FGFR4: variants seen among roughly 807,000 people sequenced by gnomAD.
FGFR4 encodes the protein hydroxyaryl-protein kinase.
Under a neutral mutation model 89.9 loss-of-function variants are expected in FGFR4, and 63 were observed. The ratio of observed to expected loss-of-function variants is 0.70; its 90% CI spans 0.57 to 0.86. The LOEUF is 0.86. Among genes scored for constraint, FGFR4 ranks in the 40% least tolerant of loss-of-function variants. The pLI is 0.00. For missense variants in FGFR4, 928 were observed against 1,106.7 expected (o/e 0.84, Z 2.29); for synonymous variants, 486 against 479.4 (o/e 1.01, Z -0.18).
rs1402521549 is a variant in FGFR4, at chr5:177,090,726, C to T, written c.356-19C>T. 1 of 1,579,700 alleles carries T rather than the reference C, an allele frequency of 6.3e-7. No individual in the cohort carries two copies. Among genetic ancestry groups the T allele is most frequent in the Admixed American group, 1.8e-5 (1 of 56,810 alleles). On this transcript the variant is annotated intron_variant, in intron 3 of 17. Transcript: ENST00000292408. ...TGCCCCTCTTGGACCTTAGATGCTT[C>T]CCTCTGTCCCTGATGTAGACTCCTT...
intron 1 of FGFR4, among the ~76,000 whole-genome samples, chr5:177,088,924 C>T (rs1266058192): frequency 2.0e-5 from 3 of 152,206 alleles, no homozygotes; most frequent in Non-Finnish European, 4.4e-5. Flanking sequence ...AGGATTTGAA[C>T]TTGGCTCTGG....
At chr5:177,092,062 A>G (rs1477991086) in intron 6 of FGFR4, among the ~76,000 whole-genome samples, 1 of 152,218 alleles carries the variant, frequency 6.6e-6, no homozygotes, top group Non-Finnish European at 1.5e-5. Context: ...AACGCCCTGC[A>G]CTTGCAGGCC....
At position 177,087,688 on chromosome 5, in the gene FGFR4, C is replaced by T; in HGVS notation, c.-54+611C>T. 1 of 967,966 alleles carries T rather than the reference C, an allele frequency of 1.0e-6. No individual in the cohort carries two copies. The highest frequency in any genetic ancestry group is 1.2e-6 in the Non-Finnish European group (1 of 814,026). The allele number at this position is 967,966 out of a possible 1,614,324, so 60.0% of individuals were successfully genotyped here. A position where few individuals can be genotyped will look rare whatever the true frequency, so the allele number is the denominator to read the frequency against. ...ACCCACTCCCAGCCCAAGCTGTGTA[C>T]CCAAAGAGCTGCCCTCCCTGCCAAG... On this transcript the variant is annotated intron_variant, in intron 1 of 17. Coordinates refer to ENST00000292408, the MANE Select transcript of FGFR4 (RefSeq NM_213647.3). This position sits in a 1 kb window ranked among gnomAD's most constrained non-coding sequence, Gnocchi z 6.1.
chr5:177,093,548 A>G lies in FGFR4; in HGVS notation c.1394A>G (p.Asp465Gly), dbSNP rs1197422241. ...GACCCACTATGGGAGTTCCCCCGGGACAGGTGCGCTGAGCTGTGTGGGGGC... is the reference window on the plus strand; with the variant it reads ...GACCCACTATGGGAGTTCCCCCGGGGCAGGTGCGCTGAGCTGTGTGGGGGC... ...PLDPLWEFPR[D>G]RLVLGKPLGE... Residue 465 changes from aspartate (D) to glycine (G), a missense_variant, in exon 10 of 18, where the codon GAC (aspartate) becomes GGC (glycine). Around this residue, in one of 5 missense-constraint regions of FGFR4, gnomAD observed 741 missense variants for 836.9 expected, o/e 0.89. Transcript: ENST00000292408. This position sits in a 1 kb window ranked among gnomAD's most constrained non-coding sequence, Gnocchi z 5.8. 4 of 1,613,324 alleles carry G rather than the reference A, an allele frequency of 2.5e-6. No individual in the cohort carries two copies. In the South Asian group the frequency reaches 3.3e-5, roughly 13 times the overall value.
chr5:177,090,387 C>T lies in FGFR4; in HGVS notation c.92-3C>T, dbSNP rs750302282. On this transcript the variant is annotated splice_polypyrimidine_tract_variant and splice_region_variant and intron_variant, in intron 2 of 17. Transcript: ENST00000292408. ...TCTGCTGACCTCTGCCCTCTGCCCA[C>T]AGAGCCCTGCCTGGCTCCCAGCCTG... 3 of 1,600,960 alleles carry T rather than the reference C, an allele frequency of 1.9e-6. No individual in the cohort carries two copies. Among genetic ancestry groups the T allele is most frequent in the Non-Finnish European group, 2.5e-6 (3 of 1,179,928 alleles).
In FGFR4 at chr5:177,087,764, T is replaced by C; in HGVS notation, c.-54+687T>C. ...AGGAGGATCCGACTGGATTCGAGAG[T>C]TGAGGTGGGCCAGAGACAGCAGTAT... On this transcript the variant is annotated intron_variant, in intron 1 of 17. Transcript: ENST00000292408. This position sits in a 1 kb window ranked among gnomAD's most constrained non-coding sequence, Gnocchi z 6.1. The C allele has an allele frequency of 2.3e-6, 1 of 437,154 alleles. No individual in the cohort carries two copies. The highest frequency in any genetic ancestry group is 9.7e-5 in the South Asian group (1 of 10,300). The allele number at this position is 437,154 out of a possible 1,614,324, so 27.1% of individuals were successfully genotyped here.
intron 6 of FGFR4, 141 bp downstream of exon 6, chr5:177,091,949 AGG>A: frequency 8.8e-7 from 1 of 1,137,364 alleles, no homozygotes; most frequent in Non-Finnish European, 1.3e-6. Flanking sequence ...GGGAAAGCAC[AGG>A]GGTTAGTGTG....
Position 177,093,417 on chromosome 5 carries a change from G to T in FGFR4, c.1263G>T (p.Glu421Asp). The change falls in exon 10 of 18, where the codon GAG becomes GAT. Residue 421 changes from glutamate (E) to aspartate (D), a missense_variant. Glu to Asp is a conservative substitution (Grantham distance 45). Coordinates refer to ENST00000292408, the MANE Select transcript of FGFR4 (RefSeq NM_213647.3). This position sits in a 1 kb window ranked among gnomAD's most constrained non-coding sequence, Gnocchi z 5.8. ...RFPLARQFSLESGSSGKSSSS... is the reference protein window; with the variant it reads ...RFPLARQFSLDSGSSGKSSSS... Reference sequence around the variant, plus strand: ...CTCCCACTTTGCAGTTCTCCCTGGAGTCAGGCTCTTCCGGCAAGTCAAGCT... The same window carrying T: ...CTCCCACTTTGCAGTTCTCCCTGGATTCAGGCTCTTCCGGCAAGTCAAGCT... The T allele has an allele frequency of 6.2e-7, 1 of 1,614,130 alleles. No individual in the cohort carries two copies. Among genetic ancestry groups the T allele is most frequent in the Non-Finnish European group, 8.5e-7 (1 of 1,179,974 alleles).
chr5:177,092,701 C>T lies in FGFR4; in HGVS notation c.974C>T (p.Ala325Val), dbSNP rs2149734365. The change falls in exon 8 of 18, where the codon GCC (alanine) becomes GTC (valine). Residue 325 changes from alanine (A) to valine (V), a missense_variant. This residue lies in a region of FGFR4 where 741 missense variants were observed against 836.9 expected (regional missense o/e 0.89). Transcript: ENST00000292408. Reference sequence around the variant, plus strand: ...GTCCTGTACCTGCGGAACGTGTCAGCCGAGGACGCAGGCGAGTACACCTGC... The same window carrying T: ...GTCCTGTACCTGCGGAACGTGTCAGTCGAGGACGCAGGCGAGTACACCTGC... ...VEVLYLRNVS[A>V]EDAGEYTCLA... The T allele has an allele frequency of 1.2e-6, 2 of 1,614,112 alleles. No homozygotes were observed. Among genetic ancestry groups the T allele is most frequent in the South Asian group, 1.1e-5 (1 of 91,086 alleles).
At chr5:177,092,254 A>T in intron 6 of FGFR4, 67 bp from the exon 7 acceptor site, 2 of 1,460,962 alleles carry the variant, frequency 1.4e-6, no homozygotes, top group South Asian at 1.4e-5. Context: ...GGAAGGCTGG[A>T]GGGAGGCAAA....
At position 177,095,567 on chromosome 5, in the gene FGFR4, G is replaced by A; in HGVS notation, c.1665G>A (p.Lys555=). ...ACGTGATCGTGGAGTGCGCCGCCAA[G>A]GGAAACCTGCGGGAGTTCCTGCGGG... ...PLYVIVECAA[K]GNLREFLRAR... is the part of the protein sequence containing the mutation. The change falls in exon 13 of 18, where the codon AAG becomes AAA. Residue 555 remains lysine, a synonymous_variant. Transcript: ENST00000292408. This position sits in a 1 kb window ranked among gnomAD's most constrained non-coding sequence, Gnocchi z 5.7. 6.2e-7 allele frequency: 1 copy of A among 1,610,046 alleles called. No individual in the cohort carries two copies. Among genetic ancestry groups the A allele is most frequent in the Non-Finnish European group, 8.5e-7 (1 of 1,178,566 alleles).
In FGFR4 at chr5:177,097,383, G is replaced by A. The variant is rs890887063; in HGVS notation, c.2245G>A (p.Ala749Thr). 1.2e-6 allele frequency: 2 copies of A among 1,611,708 alleles called. No individual in the cohort carries two copies. The highest frequency in any genetic ancestry group is 1.7e-6 in the Non-Finnish European group (2 of 1,179,148). ...LVEALDKVLL[A>T]VSEEYLDLRL... ...GGAGGCGCTGGACAAGGTCCTGCTGGCCGTCTCTGAGGAGGTACAGCCCCT... is the reference window on the plus strand; with the variant it reads ...GGAGGCGCTGGACAAGGTCCTGCTGACCGTCTCTGAGGAGGTACAGCCCCT... Residue 749 changes from alanine (A) to threonine (T), a missense_variant, in exon 17 of 18, where the codon GCC (alanine) becomes ACC (threonine). By Grantham distance (58) the Ala-to-Thr change is moderately conservative (BLOSUM62 0). Coordinates refer to ENST00000292408, the MANE Select transcript of FGFR4 (RefSeq NM_213647.3).
Position 177,093,023 on chromosome 5 carries a change from C to A in FGFR4, c.1058-115C>A. Reference sequence around the variant, plus strand: ...GACTGGGCATAACTACAGCTTCCTCCGTGTGTGTCCCCACATATGTTGGGA... The same window carrying A: ...GACTGGGCATAACTACAGCTTCCTCAGTGTGTGTCCCCACATATGTTGGGA... On this transcript the variant is annotated intron_variant, in intron 8 of 17. Coordinates refer to ENST00000292408, the MANE Select transcript of FGFR4 (RefSeq NM_213647.3). The surrounding 1 kb of genome is among the most constrained non-coding windows in gnomAD (Gnocchi z 5.8). 2 of 1,432,712 alleles carry A rather than the reference C, an allele frequency of 1.4e-6. No individual in the cohort carries two copies. The highest frequency in any genetic ancestry group is 9.7e-7 in the Non-Finnish European group (1 of 1,030,728). 88.7% of individuals were successfully genotyped at this position (1,432,712 alleles called of 1,614,324 possible). A position where few individuals can be genotyped will look rare whatever the true frequency, so the allele number is the denominator to read the frequency against.
In FGFR4 at chr5:177,096,690, T is replaced by G. The variant is rs773444367; in HGVS notation, c.2102T>G (p.Leu701Arg). Residue 701 changes from leucine to arginine, a missense_variant, in exon 16 of 18, where the codon CTG (leucine) becomes CGG (arginine). Around this residue, in one of 5 missense-constraint regions of FGFR4, gnomAD observed 129 missense variants for 150.8 expected, o/e 0.86. Coordinates refer to ENST00000292408, the MANE Select transcript of FGFR4 (RefSeq NM_213647.3). Reference protein sequence around the residue: ...PGIPVEELFSLLREGHRMDRP... With the variant: ...PGIPVEELFSRLREGHRMDRP... ...ATCCCGGTGGAGGAGCTGTTCTCGC[T>G]GCTGCGGGAGGGACATCGGATGGAC... 1.2e-6 allele frequency: 2 copies of G among 1,607,624 alleles called. No homozygotes were observed. The highest frequency in any genetic ancestry group is 1.7e-6 in the Non-Finnish European group (2 of 1,176,748).
rs750894321 is a variant in FGFR4, at chr5:177,096,688, G to A, written c.2100G>A (p.Ser700=). ...YPGIPVEELF[S]LLREGHRMDR... Reference sequence around the variant, plus strand: ...GCATCCCGGTGGAGGAGCTGTTCTCGCTGCTGCGGGAGGGACATCGGATGG... The same window carrying A: ...GCATCCCGGTGGAGGAGCTGTTCTCACTGCTGCGGGAGGGACATCGGATGG... The change falls in exon 16 of 18, where the codon TCG becomes TCA. Residue 700 remains serine (S), a synonymous_variant. Coordinates refer to ENST00000292408, the MANE Select transcript of FGFR4 (RefSeq NM_213647.3). 18 of 1,607,336 alleles carry A rather than the reference G, an allele frequency of 1.1e-5. No individual in the cohort carries two copies. The highest frequency in any genetic ancestry group is 1.7e-5 in the Admixed American group (1 of 59,348).
intron 6 of FGFR4, 70 bp downstream of exon 6, chr5:177,091,878 C>T: frequency 6.3e-7 from 1 of 1,589,024 alleles, no homozygotes; most frequent in Non-Finnish European, 8.6e-7. Context: ...TTGGTGGGGT[C>T]TAGTCTGGCA....
rs769542539 is a variant in FGFR4 at position 177,089,835 on chromosome 5, C to G, written c.91+142C>G. Reference sequence around the variant, plus strand: ...GCAGGGCAGGGCTCAACCACTGAGACTCAGTCAGTGCCTGGCTTCCAGCAA... The same window carrying G: ...GCAGGGCAGGGCTCAACCACTGAGAGTCAGTCAGTGCCTGGCTTCCAGCAA... On this transcript the variant is annotated intron_variant, in intron 2 of 17. Coordinates refer to ENST00000292408, the MANE Select transcript of FGFR4 (RefSeq NM_213647.3). The G allele has an allele frequency of 8.8e-6, 9 of 1,022,280 alleles. No homozygotes were observed. In the African/African-American group the frequency reaches 9.5e-5, roughly 11 times the overall value. 63.3% of individuals were successfully genotyped at this position (1,022,280 alleles called of 1,614,324 possible).
chr5:177,088,821 G>A (rs369627222), intron 1 of FGFR4, among the ~76,000 whole-genome samples: 5 of 62,804 alleles, frequency 8.0e-5, no homozygotes, highest in South Asian at 6.9e-4. Flanking sequence ...TCTGCGTGCC[G>A]ACGCACGTTC....
chr5:177,094,602 G>A (rs1335957221), intron 11 of FGFR4, among the ~76,000 whole-genome samples: 6 of 151,552 alleles, frequency 4.0e-5, no homozygotes, highest in Non-Finnish European at 7.4e-5. Context: ...CCCAGCCCCG[G>A]GGTGCTCTTG....
Sources: gnomAD v4.1 joint callset for allele counts (sites outside exome capture counted in the v4.1 genomes callset) on GRCh38, gnomAD v4.1.1 for gene constraint, gnomAD v4.1.1 regional missense constraint, Gnocchi (gnomAD v3.1) non-coding constraint, MANE v1.5 for transcripts, NCBI Gene and HGNC (gene_info 2026-07-23, HGNC 2026-07-21) for gene names.